The following AGFG2 variants were observed in gnomAD, a reference collection of about 807,000 sequenced individuals.
The protein encoded by AGFG2 is arf-GAP domain and FG repeat-containing protein 2.
AGFG2 carries 31 observed loss-of-function variants against 48.0 expected under a neutral mutation model. The ratio of observed to expected loss-of-function variants is 0.65; its 90% CI spans 0.49 to 0.87. The LOEUF is 0.87. AGFG2 is among the 40% of genes least tolerant of loss of function. The pLI is 0.00. For missense variants in AGFG2, 599 were observed against 632.6 expected, an observed-to-expected ratio of 0.95 and a Z score of 0.57; for synonymous variants, 229 against 260.8, an observed-to-expected ratio of 0.88 and a Z score of 1.18.
chr7:100,557,899 C>A (rs993492642), intron 6 of AGFG2, among the ~76,000 whole-genome samples: 3 of 152,032 alleles, frequency 2.0e-5, no homozygotes, highest in African/African-American at 7.2e-5. Flanking sequence ...GACATATAAG[C>A]AGGTAACACC....
chr7:100,545,213 A>G (rs1339913671), intron 1 of AGFG2, among the ~76,000 whole-genome samples: 1 of 152,152 alleles, frequency 6.6e-6, no homozygotes, highest in Admixed American at 6.6e-5. Flanking sequence ...TGCTGGGTGG[A>G]ACTGGTTTTT....
At chr7:100,541,333 T>A (rs761933900) in intron 1 of AGFG2, among the ~76,000 whole-genome samples, 10 of 152,186 alleles carry the variant, frequency 6.6e-5, no homozygotes, top group Non-Finnish European at 1.0e-4. Context: ...GACTTTGGTC[T>A]AAGTAAAAGT....
At chr7:100,563,201 G>A (rs930177733) in intron 9 of AGFG2, among the ~76,000 whole-genome samples, 8 of 152,184 alleles carry the variant, frequency 5.3e-5, no homozygotes, top group African/African-American at 1.7e-4. Context: ...CAGTGGCAGC[G>A]ATTCTCCTGT....
At chr7:100,554,481 C>A (rs188770540) in intron 5 of AGFG2, among the ~76,000 whole-genome samples, 2 of 152,266 alleles carry the variant, frequency 1.3e-5, no homozygotes, top group African/African-American at 4.8e-5. Flanking sequence ...CCTAGCACTT[C>A]CTTTTAGAAC....
chr7:100,556,964 C>A (rs1800771117), intron 6 of AGFG2, among the ~76,000 whole-genome samples: 1 of 152,178 alleles, frequency 6.6e-6, no homozygotes, highest in Non-Finnish European at 1.5e-5. Context: ...TTGGGAGGCC[C>A]AGGTGGGCAG....
In AGFG2 at chr7:100,539,340, G is replaced by C. The variant is rs886753395; in HGVS notation, c.-7G>C. 2.4e-6 allele frequency: 3 copies of C among 1,270,678 alleles called. No individual in the cohort carries two copies. The highest frequency in any genetic ancestry group is 3.0e-6 in the Non-Finnish European group (3 of 1,004,434). The allele number at this position is 1,270,678 out of a possible 1,614,324, so 78.7% of individuals were successfully genotyped here. Reference sequence around the variant, plus strand: ...ATTGCTGACTAGCGGGGAGGGAGTGGGCAGCGATGGTGATGGCGGCGAAGA... The same window carrying C: ...ATTGCTGACTAGCGGGGAGGGAGTGCGCAGCGATGGTGATGGCGGCGAAGA... On this transcript the variant is annotated 5_prime_UTR_variant, in exon 1 of 12. Transcript: ENST00000300176.
intron 1 of AGFG2, among the ~76,000 whole-genome samples, chr7:100,540,870 G>A (rs1157378970): frequency 1.3e-5 from 2 of 151,982 alleles, no homozygotes; most frequent in Non-Finnish European, 2.9e-5. Context: ...AAATTACCTG[G>A]GTGTGGTGGC....
Position 100,562,941 on chromosome 7 carries a change from C to T in AGFG2, c.1166C>T (p.Ala389Val), listed in dbSNP as rs780962444. ...AACCCGTTCCAGCCCAATGGCTTGGCGCCAGGTAAGCCTCCAGCATGGTCC... is the reference window on the plus strand; with the variant it reads ...AACCCGTTCCAGCCCAATGGCTTGGTGCCAGGTAAGCCTCCAGCATGGTCC... ...STNPFQPNGL[A>V]PGPGFGMSSA... The change falls in exon 9 of 12, where the codon GCG becomes GTG. Residue 389 changes from alanine (A) to valine (V), a missense_variant. Transcript: ENST00000300176. This position sits in a 1 kb window ranked among gnomAD's most constrained non-coding sequence, Gnocchi z 5.4. The T allele has an allele frequency of 1.9e-5, 30 of 1,613,502 alleles. No individual in the cohort carries two copies. The highest frequency in any genetic ancestry group is 1.1e-4 in the East Asian group (5 of 44,878).
chr7:100,556,963 C>T (rs1584388463), intron 6 of AGFG2, among the ~76,000 whole-genome samples: 5 of 152,090 alleles, frequency 3.3e-5, no homozygotes, highest in Middle Eastern at 6.8e-3. Context: ...TTTGGGAGGC[C>T]CAGGTGGGCA....
In AGFG2 at chr7:100,562,432, C is replaced by A; in HGVS notation, c.998+53C>A. ...GTAGGGCAGGAGAGCCGCCCGAAGC[C>A]TGGCCATGTTCCTCCCAGCCCCATC... On this transcript the variant is annotated intron_variant, in intron 7 of 11. Transcript: ENST00000300176. The surrounding 1 kb of genome is among the most constrained non-coding windows in gnomAD (Gnocchi z 5.4). 1 of 1,606,746 alleles carries A rather than the reference C, an allele frequency of 6.2e-7. No homozygotes were observed. The highest frequency in any genetic ancestry group is 8.5e-7 in the Non-Finnish European group (1 of 1,175,426).
chr7:100,553,272 C>T, intron 3 of AGFG2, 75 bp from the exon 4 acceptor site: 3 of 1,558,512 alleles, frequency 1.9e-6, no homozygotes. Flanking sequence ...ACTCCTGTGT[C>T]TTCCCAAACA....
chr7:100,540,099 C>A (rs1382705019), intron 1 of AGFG2, among the ~76,000 whole-genome samples: 1 of 150,246 alleles, frequency 6.7e-6, no homozygotes, highest in Non-Finnish European at 1.5e-5. Context: ...GTTGAAATTC[C>A]TATGATTAGA....
intron 10 of AGFG2, 84 bp downstream of exon 10, chr7:100,564,046 A>G: frequency 6.3e-7 from 1 of 1,576,434 alleles, no homozygotes; most frequent in Non-Finnish European, 8.6e-7. Flanking sequence ...ACCTCATCAG[A>G]GCCCATGCAG....
rs1801020229 is a variant in AGFG2 at position 100,566,906 on chromosome 7, AG to A, written c.*1920del. ...AAGCTGGAATCTGTTATGGTGTATT[AG>A]GGGGAGGAGCCTTTCTGTTATTTCC... On this transcript the variant is annotated 3_prime_UTR_variant, in exon 12 of 12. Transcript: ENST00000300176. The A allele has an allele frequency of 1.3e-5, 2 of 152,258 alleles. No individual in the cohort carries two copies. Among genetic ancestry groups the A allele is most frequent in the Admixed American group, 1.3e-4 (2 of 15,288 alleles). 9.4% of individuals were successfully genotyped at this position (152,258 alleles called of 1,614,324 possible). A position where few individuals can be genotyped will look rare whatever the true frequency, so the allele number is the denominator to read the frequency against.
chr7:100,557,566 G>A (rs1353709424), intron 6 of AGFG2, among the ~76,000 whole-genome samples: 1 of 152,168 alleles, frequency 6.6e-6, no homozygotes, highest in Non-Finnish European at 1.5e-5. Context: ...CTCCTGAGTA[G>A]CAGGATTACA....
chr7:100,541,684 A>G (rs1187882811), intron 1 of AGFG2, among the ~76,000 whole-genome samples: 1 of 149,214 alleles, frequency 6.7e-6, no homozygotes, highest in Non-Finnish European at 1.5e-5. Context: ...AATTGCTTGA[A>G]CCCAAGAGGT....
In AGFG2 at chr7:100,567,582, G is replaced by GGCT. The variant is rs1467453716; in HGVS notation, c.*2593_*2595dup. On this transcript the variant is annotated 3_prime_UTR_variant, in exon 12 of 12. Coordinates refer to ENST00000300176, the MANE Select transcript of AGFG2 (RefSeq NM_006076.5). The stretch of plus-strand genomic sequence containing the variant: ...CCTGTGGGCCAGGGGATGGGAGCAG[G>GGCT]GCTGAGGGTAGGGGCTGAATGTGTG... 6.5e-6 allele frequency: 1 copy of GGCT among 152,722 alleles called. No individual in the cohort carries two copies. Among genetic ancestry groups the GGCT allele is most frequent in the African/African-American group, 2.4e-5 (1 of 41,464 alleles). The allele number at this position is 152,722 out of a possible 1,614,324, so 9.5% of individuals were successfully genotyped here. A position where few individuals can be genotyped will look rare whatever the true frequency, so the allele number is the denominator to read the frequency against.
At chr7:100,545,638 C>T (rs989691150) in intron 1 of AGFG2, among the ~76,000 whole-genome samples, 1 of 152,208 alleles carries the variant, frequency 6.6e-6, no homozygotes, top group African/African-American at 2.4e-5. Context: ...CTCCCCAGCA[C>T]TTCCTGGTTA....
In AGFG2 at chr7:100,562,407, G is replaced by A; in HGVS notation, c.998+28G>A. Reference sequence around the variant, plus strand: ...AGGTACAGACAGTGGGCAGTCTGCTGTAGGGCAGGAGAGCCGCCCGAAGCC... The same window carrying A: ...AGGTACAGACAGTGGGCAGTCTGCTATAGGGCAGGAGAGCCGCCCGAAGCC... On this transcript the variant is annotated intron_variant, in intron 7 of 11. Transcript: ENST00000300176. This position sits in a 1 kb window ranked among gnomAD's most constrained non-coding sequence, Gnocchi z 5.4. The A allele has an allele frequency of 1.2e-6, 2 of 1,611,680 alleles. No individual in the cohort carries two copies. Among genetic ancestry groups the A allele is most frequent in the Non-Finnish European group, 8.5e-7 (1 of 1,178,534 alleles).
Sources: gnomAD v4.1 joint callset for allele counts (sites outside exome capture counted in the v4.1 genomes callset) on GRCh38, gnomAD v4.1.1 for gene constraint, Gnocchi (gnomAD v3.1) non-coding constraint, MANE v1.5 for transcripts, NCBI Gene and HGNC (gene_info 2026-07-23, HGNC 2026-07-21) for gene names.